TBL1X: variants seen among roughly 807,000 people sequenced by gnomAD.
TBL1X encodes F-box-like/WD repeat-containing protein TBL1X.
Under a neutral mutation model 50.7 loss-of-function variants are expected in TBL1X, and 10 were observed. The observed-to-expected ratio is 0.20, with a 90% CI of 0.12 to 0.33. The LOEUF is 0.33. Among genes scored for constraint, TBL1X ranks in the 10% least tolerant of loss-of-function variants. TBL1X has a pLI of 1.00. For synonymous variants in TBL1X, 190 were observed against 214.7 expected (o/e 0.88, Z 1.01); for missense variants, 340 against 504.4 (o/e 0.67, Z 3.12).
intron 1 of TBL1X, among the ~76,000 whole-genome samples, chrX:9,483,820 A>T (rs181460237): frequency 4.3e-3 from 464 of 108,502 alleles, no homozygotes; most frequent in African/African-American, 0.015. Flanking sequence ...TTCAGTCTAG[A>T]GTACAACATT....
intron 5 of TBL1X, among the ~76,000 whole-genome samples, chrX:9,680,092 AG>A (rs1194911299): frequency 4.5e-5 from 5 of 110,925 alleles, no homozygotes; most frequent in Non-Finnish European, 9.4e-5. Flanking sequence ...GGTGCAGGGG[AG>A]CTTGCTTGAG....
chrX:9,484,900 A>AG (rs2081902689), intron 1 of TBL1X, among the ~76,000 whole-genome samples: 1 of 95,089 alleles, frequency 1.1e-5, no homozygotes, highest in Non-Finnish European at 2.1e-5. Flanking sequence ...TGGGCAATGT[A>AG]GAGAGACCCT....
chrX:9,591,641 C>T (rs1260994878), intron 2 of TBL1X, among the ~76,000 whole-genome samples: 1 of 111,714 alleles, frequency 9.0e-6, no homozygotes, highest in Non-Finnish European at 1.9e-5. Flanking sequence ...GCAAAGCCTA[C>T]CCCTTCTACG....
At chrX:9,672,892 A>G (rs1049775824) in intron 5 of TBL1X, among the ~76,000 whole-genome samples, 1 of 112,440 alleles carries the variant, frequency 8.9e-6, no homozygotes, top group African/African-American at 3.2e-5. Context: ...ACCATAAACA[A>G]CAGAGATTTT....
At chrX:9,646,787 A>G (rs774121431) in intron 3 of TBL1X, among the ~76,000 whole-genome samples, 1 of 112,504 alleles carries the variant, frequency 8.9e-6, no homozygotes, top group Non-Finnish European at 1.9e-5. Context: ...AGATGTTTAC[A>G]TAACAGGGCA....
Position 9,624,919 on chromosome X carries a change from A to T in TBL1X, c.-130-15354A>T, listed in dbSNP as rs1317044567. 5.3e-5 allele frequency among the ~76,000 whole-genome samples: 6 copies of T among 112,276 alleles called. No individual in the cohort carries two copies. The East Asian group carries it at 1.7e-3, about 31-fold the overall frequency. On this transcript the variant is annotated intron_variant, in intron 2 of 17. Coordinates refer to ENST00000645353, the MANE Select transcript of TBL1X (RefSeq NM_005647.4). ...TAGTCTGAATTTTTTTTCTCATCTGACCTTTTTCATTTTTCCTTTCTCAAA... is the reference window on the plus strand; with the variant it reads ...TAGTCTGAATTTTTTTTCTCATCTGTCCTTTTTCATTTTTCCTTTCTCAAA...
At chrX:9,617,739 G>GTAT (rs1398087735) in intron 2 of TBL1X, among the ~76,000 whole-genome samples, 1 of 112,387 alleles carries the variant, frequency 8.9e-6, no homozygotes, top group African/African-American at 3.2e-5. Flanking sequence ...GTGCCGGAAA[G>GTAT]TATAAGCAAC....
chrX:9,582,192 C>T (rs2082446309), intron 2 of TBL1X, among the ~76,000 whole-genome samples: 1 of 112,286 alleles, frequency 8.9e-6, no homozygotes, highest in South Asian at 3.7e-4. Flanking sequence ...TTAATTACTG[C>T]TTCAGAGCTG....
At chrX:9,684,314 G>A (rs1451154745) in intron 6 of TBL1X, 126 bp downstream of exon 6, 3 of 955,506 alleles carry the variant, frequency 3.1e-6, no homozygotes, top group Non-Finnish European at 4.3e-6. Flanking sequence ...GCAGGGTGCA[G>A]TGGCTCATGC....
rs778353633 is a variant in TBL1X at position 9,589,256 on chromosome X, A to G, written c.-130-51017A>G. 9.4e-4 allele frequency among the ~76,000 whole-genome samples: 104 copies of G among 110,914 alleles called. 1 individual carries two copies. The highest frequency in any genetic ancestry group is 4.6e-3 in the Middle Eastern group (1 of 217). On this transcript the variant is annotated intron_variant, in intron 2 of 17. Transcript: ENST00000645353. ...CCACAAACTGAATGGCTTGGCTTAA[A>G]ACACCAGAAGTATATCCTCTCACGG...
chrX:9,618,536 G>A (rs1046931658), intron 2 of TBL1X, among the ~76,000 whole-genome samples: 1 of 111,484 alleles, frequency 9.0e-6, no homozygotes, highest in Non-Finnish European at 1.9e-5. Flanking sequence ...AAAATTAGCC[G>A]GGCATGGTGG....
intron 3 of TBL1X, among the ~76,000 whole-genome samples, chrX:9,642,689 C>T (rs2082782070): frequency 8.9e-6 from 1 of 112,193 alleles, no homozygotes; most frequent in African/African-American, 3.2e-5. Context: ...TGAGAGCAGG[C>T]TCAGCAAGCA....
At chrX:9,466,763 A>T (rs892658474) in intron 1 of TBL1X, among the ~76,000 whole-genome samples, 6 of 112,377 alleles carry the variant, frequency 5.3e-5, no homozygotes, top group Non-Finnish European at 1.1e-4. Context: ...GTAATTAGGA[A>T]AAATAAAATA....
intron 2 of TBL1X, among the ~76,000 whole-genome samples, chrX:9,537,207 C>T (rs1478748231): frequency 1.8e-5 from 2 of 111,289 alleles, no homozygotes; most frequent in Admixed American, 1.9e-4. Flanking sequence ...GAGTGATCTA[C>T]GTGCATTAGC....
intron 2 of TBL1X, among the ~76,000 whole-genome samples, chrX:9,635,218 A>G (rs752438193): frequency 9.0e-6 from 1 of 110,846 alleles, no homozygotes; most frequent in South Asian, 3.9e-4. Flanking sequence ...AAGAGATGCC[A>G]GTAGCACCTC....
chrX:9,649,511 CAATG>C (rs1368230273), intron 3 of TBL1X, among the ~76,000 whole-genome samples: 1 of 111,940 alleles, frequency 8.9e-6, no homozygotes. Flanking sequence ...CATTTAAAAA[CAATG>C]AATCTGTGAT....
intron 9 of TBL1X, 27 bp from the exon 10 acceptor site, chrX:9,693,122 G>C: frequency 8.3e-7 from 1 of 1,210,526 alleles, no homozygotes. Flanking sequence ...TTGTTTTTGT[G>C]GGGTTTTGTC....
intron 2 of TBL1X, among the ~76,000 whole-genome samples, chrX:9,589,843 AAGT>A (rs1224747220): frequency 9.0e-6 from 1 of 111,523 alleles, no homozygotes; most frequent in African/African-American, 3.3e-5. Context: ...AAAGGGACAA[AAGT>A]AGTGACATGT....
At chrX:9,531,275 C>G (rs1347154774) in intron 2 of TBL1X, among the ~76,000 whole-genome samples, 1 of 108,340 alleles carries the variant, frequency 9.2e-6, no homozygotes, top group African/African-American at 3.4e-5. Context: ...TCATTCATGA[C>G]AGGATGAACT....
Sources: allele counts gnomAD v4.1 joint callset (sites outside exome capture counted in the v4.1 genomes callset), GRCh38; gene constraint gnomAD v4.1.1; transcripts MANE v1.5; gene names NCBI Gene and HGNC (gene_info 2026-07-23, HGNC 2026-07-21).